TMPRSS15: variants seen among roughly 807,000 people sequenced by gnomAD.
The protein encoded by TMPRSS15 is transmembrane serine protease 15.
TMPRSS15 carries 128 observed loss-of-function variants against 125.3 expected under a neutral mutation model. The observed-to-expected ratio is 1.02, with a 90% confidence interval of 0.89 to 1.18. The LOEUF is 1.18. TMPRSS15 is among the 50% of genes most tolerant of loss of function. The probability of loss-of-function intolerance (pLI) is 0.00; values close to 1 mark genes in which losing one functional copy is unlikely to be tolerated. For synonymous variants in TMPRSS15, 446 were observed against 423.2 expected (o/e 1.05, Z -0.66); for missense variants, 1,283 against 1,212.7 (o/e 1.06, Z -0.86).
chr21:18,305,326 C>G (rs1033499477), intron 18 of TMPRSS15, among the ~76,000 whole-genome samples: 1 of 151,514 alleles, frequency 6.6e-6, no homozygotes, highest in Admixed American at 6.6e-5. Context: ...GTAGCTGGGA[C>G]TACAGGCGCC....
At chr21:18,417,108 C>T (rs2076182282) in intron 1 of TMPRSS15, among the ~76,000 whole-genome samples, 1 of 151,986 alleles carries the variant, frequency 6.6e-6, no homozygotes, top group African/African-American at 2.4e-5. Flanking sequence ...AACATTTCAG[C>T]CAATTTTTAC....
chr21:18,423,490 G>C (rs1184022775), intron 1 of TMPRSS15, among the ~76,000 whole-genome samples: 1 of 149,816 alleles, frequency 6.7e-6, no homozygotes, highest in Admixed American at 6.7e-5. Flanking sequence ...CTCACTGCAA[G>C]CTCCGCCTCC....
chr21:18,380,551 G>A (rs1030045194), intron 4 of TMPRSS15: 1 of 470,732 alleles, frequency 2.1e-6, no homozygotes, highest in African/African-American at 2.0e-5. Context: ...TGAAGTTGTT[G>A]CAGGGCTTAC....
intron 5 of TMPRSS15, among the ~76,000 whole-genome samples, chr21:18,376,174 C>A (rs999197856): frequency 2.0e-5 from 3 of 149,128 alleles, no homozygotes; most frequent in African/African-American, 7.4e-5. Flanking sequence ...TACAGAAATT[C>A]TCATTTACTG....
At chr21:18,457,045 T>C (rs1978455304) in intron 1 of TMPRSS15, among the ~76,000 whole-genome samples, 1 of 152,110 alleles carries the variant, frequency 6.6e-6, no homozygotes. Context: ...TTGAATTTGT[T>C]CTTTGCCCCT....
intron 1 of TMPRSS15, among the ~76,000 whole-genome samples, chr21:18,471,519 A>G (rs912967030): frequency 6.6e-6 from 1 of 151,992 alleles, no homozygotes; most frequent in African/African-American, 2.4e-5. Context: ...CTGGTTCCTA[A>G]AGCCTAAGTA....
chr21:18,298,645 C>T (rs990668951), intron 18 of TMPRSS15, among the ~76,000 whole-genome samples: 2 of 152,176 alleles, frequency 1.3e-5, no homozygotes, highest in African/African-American at 4.8e-5. Context: ...TGTTTCTTGC[C>T]TTTTATTTCA....
At chr21:18,455,855 T>C (rs1978432451) in intron 1 of TMPRSS15, among the ~76,000 whole-genome samples, 1 of 152,050 alleles carries the variant, frequency 6.6e-6, no homozygotes, top group South Asian at 2.1e-4. Flanking sequence ...TGAAACCAAA[T>C]CCAAAAGGAA....
At chr21:18,475,216 A>G (rs943357609) in intron 1 of TMPRSS15, among the ~76,000 whole-genome samples, 2 of 152,182 alleles carry the variant, frequency 1.3e-5, no homozygotes, top group Non-Finnish European at 2.9e-5. Flanking sequence ...TCCTTTTCAG[A>G]GTTGATTCCT....
intron 21 of TMPRSS15, among the ~76,000 whole-genome samples, chr21:18,292,552 T>C (rs1052959296): frequency 6.6e-6 from 1 of 152,192 alleles, no homozygotes; most frequent in Non-Finnish European, 1.5e-5. Context: ...ATCTGTAAAA[T>C]AGATAATTGA....
In TMPRSS15 at chr21:18,320,125, G is replaced by A. The variant is rs549663421; in HGVS notation, c.1922-4869C>T. Among the ~76,000 whole-genome samples, 3 of 152,206 alleles carry A rather than the reference G, an allele frequency of 2.0e-5. No individual in the cohort carries two copies. In the South Asian group the frequency reaches 6.2e-4, roughly 31 times the overall value. ...GGCAGAGATAATTACAGATTCTAAA[G>A]ACAGCATTAATACTTTGACTATATA... On this transcript the variant is annotated intron_variant, in intron 16 of 24. Transcript: ENST00000284885.
intron 23 of TMPRSS15, among the ~76,000 whole-genome samples, chr21:18,276,265 G>A (rs1184461195): frequency 6.6e-6 from 1 of 152,166 alleles, no homozygotes; most frequent in East Asian, 1.9e-4. Context: ...GTAGTGCATT[G>A]GTAAATGTAT....
intron 1 of TMPRSS15, among the ~76,000 whole-genome samples, chr21:18,470,115 A>T (rs904533249): frequency 6.6e-6 from 1 of 152,056 alleles, no homozygotes. Context: ...AGAGTCAGGA[A>T]TACTGGAGCA....
chr21:18,448,586 T>A (rs2076260643), intron 1 of TMPRSS15, among the ~76,000 whole-genome samples: 1 of 152,146 alleles, frequency 6.6e-6, no homozygotes, highest in Non-Finnish European at 1.5e-5. Context: ...TTAGTTGGAT[T>A]TTTTAAAATA....
At position 18,467,878 on chromosome 21, in the gene TMPRSS15, C is replaced by T. The variant is rs541922018; in HGVS notation, c.10+17921G>A. Among the ~76,000 whole-genome samples, 6 of 151,924 alleles carry T rather than the reference C, an allele frequency of 3.9e-5. 1 individual carries two copies. The highest frequency in any genetic ancestry group is 1.4e-4 in the African/African-American group (6 of 41,452). ...AAACGGGAGATTATGGTTGCATGACCTGAGAGAAACTGAAAGTATGTCAAA... is the reference window on the plus strand; with the variant it reads ...AAACGGGAGATTATGGTTGCATGACTTGAGAGAAACTGAAAGTATGTCAAA... On this transcript the variant is annotated intron_variant, in intron 1 of 7. Transcript: ENST00000422787.
intron 1 of TMPRSS15, among the ~76,000 whole-genome samples, chr21:18,479,099 C>T (rs1978932232): frequency 6.6e-6 from 1 of 151,798 alleles, no homozygotes; most frequent in South Asian, 2.1e-4. Context: ...GTTATATTCC[C>T]ACTCAAAAAG....
chr21:18,270,815 A>G (rs1308568892), intron 24 of TMPRSS15, among the ~76,000 whole-genome samples: 1 of 152,226 alleles, frequency 6.6e-6, no homozygotes, highest in East Asian at 1.9e-4. Context: ...GTGTAATGCA[A>G]TGATAATACA....
intron 1 of TMPRSS15, among the ~76,000 whole-genome samples, chr21:18,433,570 G>A (rs920320323): frequency 3.4e-5 from 5 of 148,784 alleles, no homozygotes; most frequent in African/African-American, 1.2e-4. Context: ...TGGCTGAGGT[G>A]GGAGAATCAC....
intron 6 of TMPRSS15, among the ~76,000 whole-genome samples, chr21:18,368,405 C>T (rs1428106557): frequency 6.6e-6 from 1 of 152,110 alleles, no homozygotes; most frequent in African/African-American, 2.4e-5. Context: ...CTGAGTTGGC[C>T]GATGAACGAT....
Sources: allele counts gnomAD v4.1 joint callset (sites outside exome capture counted in the v4.1 genomes callset), GRCh38; gene constraint gnomAD v4.1.1; transcripts MANE v1.5; gene names NCBI Gene and HGNC (gene_info 2026-07-23, HGNC 2026-07-21).